Variants in MCC observed in about 807,000 individuals in gnomAD.
MCC encodes the protein colorectal mutant cancer protein.
A neutral mutation model predicts 116.2 loss-of-function variants in MCC; 90 were observed. The observed-to-expected ratio is 0.77, with a 90% confidence interval of 0.65 to 0.92. The LOEUF (loss-of-function observed/expected upper bound fraction) is 0.92, where lower values mean the gene tolerates loss of function less well. Among genes scored for constraint, MCC ranks in the 40% least tolerant of loss-of-function variants. The pLI, the probability that MCC is intolerant of heterozygous loss-of-function variation, is 0.00. For synonymous variants in MCC, 578 were observed against 510.5 expected, an observed-to-expected ratio of 1.13 and a Z score of -1.78; for missense variants, 1,516 against 1,312.2, an observed-to-expected ratio of 1.16 and a Z score of -2.40.
chr5:113,384,510 C>T lies in MCC; in HGVS notation c.415+458G>A, dbSNP rs900438218. ...GACTGAGGCAGGAGAAAGGCGGGAA[C>T]CCGGGAGGCAGAGGTTGCAGTGAGC... On this transcript the variant is annotated intron_variant, in intron 2 of 18. Coordinates refer to ENST00000408903, the MANE Select transcript of MCC (RefSeq NM_001085377.2). Among the ~76,000 whole-genome samples the T allele has an allele frequency of 5.9e-5, 9 of 152,256 alleles. No homozygotes were observed. The East Asian group carries it at 7.7e-4, about 13-fold the overall frequency.
intron 2 of MCC, among the ~76,000 whole-genome samples, chr5:113,358,461 C>T (rs938356453): frequency 9.2e-5 from 14 of 152,312 alleles, no homozygotes; most frequent in Admixed American, 8.5e-4. Flanking sequence ...GAGCACTGGG[C>T]TCTTTCATCA....
At chr5:113,272,935 T>A (rs1413772248) in intron 3 of MCC, among the ~76,000 whole-genome samples, 1 of 152,192 alleles carries the variant, frequency 6.6e-6, no homozygotes, top group Non-Finnish European at 1.5e-5. Flanking sequence ...AACGTAATAA[T>A]GTTGACTAAA....
At chr5:113,117,075 A>G (rs746479815) in intron 6 of MCC, among the ~76,000 whole-genome samples, 3 of 152,228 alleles carry the variant, frequency 2.0e-5, no homozygotes, top group Non-Finnish European at 2.9e-5. Flanking sequence ...CCTCATTCCT[A>G]GCAAAAAGTG....
At chr5:113,089,402 A>G (rs184544988) in intron 8 of MCC, among the ~76,000 whole-genome samples, 60 of 152,354 alleles carry the variant, frequency 3.9e-4, no homozygotes, top group African/African-American at 1.4e-3. Context: ...TATTTCTTCA[A>G]GGGTTTTGTA....
At chr5:113,174,008 G>A (rs1233289963) in intron 3 of MCC, among the ~76,000 whole-genome samples, 2 of 152,044 alleles carry the variant, frequency 1.3e-5, no homozygotes, top group African/African-American at 4.8e-5. Context: ...GGTAACACTG[G>A]GTAGATTAAG....
intron 8 of MCC, among the ~76,000 whole-genome samples, chr5:113,086,182 A>C (rs1755188237): frequency 6.6e-6 from 1 of 152,200 alleles, no homozygotes; most frequent in Admixed American, 6.5e-5. Flanking sequence ...TGTTACGGGA[A>C]GCAGAAAAAG....
At chr5:113,087,458 A>G (rs1474642619) in intron 8 of MCC, among the ~76,000 whole-genome samples, 1 of 152,176 alleles carries the variant, frequency 6.6e-6, no homozygotes, top group Non-Finnish European at 1.5e-5. Context: ...GGATTACAGG[A>G]CTCGTTCTGA....
chr5:113,102,142 G>T (rs1756459193), intron 7 of MCC, among the ~76,000 whole-genome samples, 197 bp from the exon 8 acceptor site: 1 of 152,184 alleles, frequency 6.6e-6, no homozygotes, highest in South Asian at 2.1e-4. Flanking sequence ...TCACTTGCCT[G>T]GGGTACAGTC....
chr5:113,367,544 C>G (rs1581431159), intron 2 of MCC, among the ~76,000 whole-genome samples: 1 of 141,514 alleles, frequency 7.1e-6, no homozygotes, highest in East Asian at 2.1e-4. Flanking sequence ...TTTCTCATTG[C>G]AATAGAAATT....
At chr5:113,302,948 G>C (rs1435139482) in intron 3 of MCC, among the ~76,000 whole-genome samples, 1 of 152,218 alleles carries the variant, frequency 6.6e-6, no homozygotes, top group Non-Finnish European at 1.5e-5. Flanking sequence ...AATGGAGATG[G>C]TAAGAAATGG....
At chr5:113,281,745 C>A (rs549669291) in intron 3 of MCC, among the ~76,000 whole-genome samples, 98 of 152,236 alleles carry the variant, frequency 6.4e-4, no homozygotes, top group African/African-American at 2.2e-3. Context: ...AAGAAAAAAA[C>A]AACAGCAGGC....
chr5:113,402,074 C>G (rs1031737547), intron 1 of MCC, among the ~76,000 whole-genome samples: 2 of 151,808 alleles, frequency 1.3e-5, no homozygotes, highest in Non-Finnish European at 2.9e-5. Context: ...GCGGGTGGAT[C>G]ACGAGGTCCG....
chr5:113,152,088 T>C (rs1317180363), intron 3 of MCC, among the ~76,000 whole-genome samples: 1 of 152,172 alleles, frequency 6.6e-6, no homozygotes, highest in South Asian at 2.1e-4. Context: ...CTCTGACAAA[T>C]GACGCTGTGA....
intron 5 of MCC, among the ~76,000 whole-genome samples, chr5:113,133,844 T>C (rs578246835): frequency 1.0e-3 from 155 of 152,218 alleles, no homozygotes; most frequent in Non-Finnish European, 1.5e-3. Flanking sequence ...GAATATCTCA[T>C]TGTGATTTTG....
chr5:113,465,076 A>AG lies in MCC; in HGVS notation c.170+23168_170+23169insC, dbSNP rs546536637. Among the ~76,000 whole-genome samples, 35 of 152,178 alleles carry AG rather than the reference A, an allele frequency of 2.3e-4. No individual in the cohort carries two copies. The South Asian group carries it at 5.0e-3, about 22-fold the overall frequency. On this transcript the variant is annotated intron_variant, in intron 1 of 18. Coordinates refer to ENST00000408903, the MANE Select transcript of MCC (RefSeq NM_001085377.2). ...TTAAAGTCCTTTTGGGAGGAAAAAT[A>AG]TGCCTGAAAATAGCCAAGATTTTTT...
chr5:113,320,900 T>C (rs1276804094), intron 3 of MCC, among the ~76,000 whole-genome samples: 1 of 152,220 alleles, frequency 6.6e-6, no homozygotes, highest in Non-Finnish European at 1.5e-5. Context: ...TCTAGCAGAG[T>C]ACCAATGTAA....
intron 3 of MCC, among the ~76,000 whole-genome samples, chr5:113,335,714 T>C (rs1028402053): frequency 1.3e-5 from 2 of 151,688 alleles, no homozygotes; most frequent in Non-Finnish European, 2.9e-5. Context: ...AGGGCTTAGA[T>C]TACACTGAGT....
At chr5:113,320,521 G>A (rs983115761) in intron 3 of MCC, among the ~76,000 whole-genome samples, 6 of 151,346 alleles carry the variant, frequency 4.0e-5, no homozygotes, top group Non-Finnish European at 7.4e-5. Context: ...AAAGCAGGGT[G>A]ATAACCTACA....
intron 3 of MCC, among the ~76,000 whole-genome samples, chr5:113,315,859 C>CA (rs1329684251): frequency 6.6e-6 from 1 of 151,974 alleles, no homozygotes; most frequent in African/African-American, 2.4e-5. Flanking sequence ...GCCCGGGTGA[C>CA]AGAGTGAGAC....
Sources: allele counts gnomAD v4.1 joint callset (sites outside exome capture counted in the v4.1 genomes callset), GRCh38; gene constraint gnomAD v4.1.1; transcripts MANE v1.5; gene names NCBI Gene and HGNC (gene_info 2026-07-23, HGNC 2026-07-21).